CYP2E1: variants seen among roughly 807,000 people sequenced by gnomAD.
CYP2E1 encodes the protein cytochrome P450 2E1.
A neutral mutation model predicts 42.9 loss-of-function variants in CYP2E1; 31 were observed. The ratio of observed to expected loss-of-function variants is 0.72; its 90% confidence interval spans 0.54 to 0.98. The LOEUF (loss-of-function observed/expected upper bound fraction) is 0.98. CYP2E1 is among the 50% of genes least tolerant of loss of function. CYP2E1 has a pLI of 0.00. For synonymous variants in CYP2E1, 244 were observed against 248.9 expected, an observed-to-expected ratio of 0.98 and a Z score of 0.19; for missense variants, 565 against 633.2, an observed-to-expected ratio of 0.89 and a Z score of 1.16.
At chr10:133,529,898 C>G (rs780420098) in intron 2 of CYP2E1, among the ~76,000 whole-genome samples, 1 of 152,212 alleles carries the variant, frequency 6.6e-6, no homozygotes, top group East Asian at 1.9e-4. Flanking sequence ...ACAAAATTAA[C>G]CATCTCAGTC....
chr10:133,529,747 C>T (rs943584047), intron 2 of CYP2E1, among the ~76,000 whole-genome samples: 32 of 152,216 alleles, frequency 2.1e-4, no homozygotes, highest in Non-Finnish European at 4.6e-4. Context: ...GGGTCGCCGG[C>T]TCCAGCTCAG....
intron 6 of CYP2E1, among the ~76,000 whole-genome samples, chr10:133,536,737 ATGGG>A (rs1851406951): frequency 5.0e-5 from 1 of 19,926 alleles, no homozygotes; most frequent in Non-Finnish European, 3.2e-4. Context: ...GGTTGGATGG[ATGGG>A]TGGGTGGGTG....
At chr10:133,527,925 G>A (rs577268888) in intron 1 of CYP2E1, among the ~76,000 whole-genome samples, 4 of 152,374 alleles carry the variant, frequency 2.6e-5, no homozygotes, top group South Asian at 2.1e-4. Context: ...GAAACGTGAA[G>A]TGTTGGGCCA....
At chr10:133,538,631 T>G (rs925319300) in intron 8 of CYP2E1, 149 bp from the exon 9 acceptor site, 25 of 684,192 alleles carry the variant, frequency 3.7e-5, no homozygotes, top group South Asian at 5.6e-5. Flanking sequence ...ATTTTGTGCT[T>G]CTTTTAATAG....
At chr10:133,538,621 A>G (rs373029657) in intron 8 of CYP2E1, among the ~76,000 whole-genome samples, 159 bp from the exon 9 acceptor site, 1 of 151,994 alleles carries the variant, frequency 6.6e-6, no homozygotes, top group African/African-American at 2.4e-5. Context: ...ACTCAAGTAC[A>G]TTTTGTGCTT....
chr10:133,535,183 AAGT>A (rs1459750555), intron 6 of CYP2E1, among the ~76,000 whole-genome samples: 1 of 152,032 alleles, frequency 6.6e-6, no homozygotes, highest in African/African-American at 2.4e-5. Context: ...AAATACAAAA[AAGT>A]AGCCGGGTGT....
intron 6 of CYP2E1, among the ~76,000 whole-genome samples, chr10:133,535,678 T>C (rs747086455): frequency 3.9e-5 from 6 of 152,198 alleles, no homozygotes; most frequent in Non-Finnish European, 8.8e-5. Context: ...GACATGTATA[T>C]ATCCATTGCC....
At chr10:133,534,753 C>T (rs7092584) in intron 6 of CYP2E1, among the ~76,000 whole-genome samples, 21,591 of 152,054 alleles carry the variant, frequency 0.14, 1,899 homozygotes, top group East Asian at 0.43. Flanking sequence ...TTCCTGAAAG[C>T]AGGTATTATA....
chr10:133,528,360 T>C, intron 1 of CYP2E1, 121 bp from the exon 2 acceptor site: 1 of 1,200,632 alleles, frequency 8.3e-7, no homozygotes, highest in Non-Finnish European at 1.2e-6. Flanking sequence ...AGACAGCTTT[T>C]CCCCACGTCC....
At position 133,533,831 on chromosome 10, in the gene CYP2E1, A is replaced by T. The variant is rs750089893; in HGVS notation, c.901A>T (p.Thr301Ser). Reference protein sequence around the residue: ...VTVADLFFAGTETTSTTLRYG... With the variant: ...VTVADLFFAGSETTSTTLRYG... Reference sequence around the variant, plus strand: ...TGTGGCCGACCTGTTCTTTGCGGGGACAGAGACCACCAGCACAACTCTGAG... The same window carrying T: ...TGTGGCCGACCTGTTCTTTGCGGGGTCAGAGACCACCAGCACAACTCTGAG... The change falls in exon 6 of 9, where the codon ACA becomes TCA. Residue 301 changes from threonine (T) to serine (S), a missense_variant. Transcript: ENST00000252945. The T allele has an allele frequency of 1.2e-6, 2 of 1,614,070 alleles. No homozygotes were observed. The highest frequency in any genetic ancestry group is 1.7e-6 in the Non-Finnish European group (2 of 1,179,992).
chr10:133,527,962 C>T (rs1851290259), intron 1 of CYP2E1: 3 of 245,712 alleles, frequency 1.2e-5, no homozygotes, highest in Non-Finnish European at 2.4e-5. Flanking sequence ...TACCTGCCGC[C>T]TACGACTGTT....
Position 133,532,287 on chromosome 10 carries a change from G to A in CYP2E1, c.648+3G>A, listed in dbSNP as rs1028393353. 8 of 1,609,986 alleles carry A rather than the reference G, an allele frequency of 5.0e-6. No homozygotes were observed. The Admixed American group carries it at 6.7e-5, about 13-fold the overall frequency. ...TACTCAGCACTCCCTGGCTCCAGGTGAAGCCACTTTCCTCTTTCATCAGTC... is the reference window on the plus strand; with the variant it reads ...TACTCAGCACTCCCTGGCTCCAGGTAAAGCCACTTTCCTCTTTCATCAGTC... On this transcript the variant is annotated splice_donor_region_variant and intron_variant, in intron 4 of 8. Transcript: ENST00000252945.
At chr10:133,537,538 G>C in intron 7 of CYP2E1, 1 of 603,314 alleles carries the variant, frequency 1.7e-6, no homozygotes, top group East Asian at 2.8e-5. Flanking sequence ...CAGCCCTGGG[G>C]TTAATCCTGT....
At chr10:133,533,994 C>A in intron 6 of CYP2E1, 97 bp downstream of exon 6, 1 of 1,304,996 alleles carries the variant, frequency 7.7e-7, no homozygotes, top group Non-Finnish European at 1.1e-6. Flanking sequence ...TCTGAAGCTG[C>A]TTGTTAACCC....
At chr10:133,532,007 A>G (rs527357372) in intron 3 of CYP2E1, 117 bp from the exon 4 acceptor site, 1 of 975,452 alleles carries the variant, frequency 1.0e-6, no homozygotes, top group South Asian at 1.6e-5. Context: ...TCTTTCGTAA[A>G]CTGGCAGTTT....
chr10:133,535,039 T>TA (rs1851381206), intron 6 of CYP2E1, among the ~76,000 whole-genome samples: 1 of 151,836 alleles, frequency 6.6e-6, no homozygotes, highest in South Asian at 2.1e-4. Context: ...GATTAAAAAT[T>TA]TAAAAAAATT....
chr10:133,528,691 A>G, intron 2 of CYP2E1, 51 bp downstream of exon 2: 3 of 1,603,376 alleles, frequency 1.9e-6, no homozygotes, highest in African/African-American at 1.3e-5. Context: ...ACGCCCCGGG[A>G]CAGTTACGGG....
chr10:133,532,914 G>C (rs1465330817), intron 5 of CYP2E1, 46 bp downstream of exon 5: 1 of 1,527,194 alleles, frequency 6.5e-7, no homozygotes, highest in East Asian at 2.3e-5. Context: ...GGTGGGCAGA[G>C]AATGCACAAT....
At chr10:133,537,970 C>T in intron 8 of CYP2E1, 78 bp downstream of exon 8, 2 of 1,465,492 alleles carry the variant, frequency 1.4e-6, no homozygotes, top group Non-Finnish European at 1.9e-6. Context: ...GTGCTCTGCC[C>T]TCGTCCCAGG....
Sources: allele counts gnomAD v4.1 joint callset (sites outside exome capture counted in the v4.1 genomes callset), GRCh38; gene constraint gnomAD v4.1.1; transcripts MANE v1.5; gene names NCBI Gene and HGNC (gene_info 2026-07-23, HGNC 2026-07-21).